Variants in ZNF518A observed in about 807,000 individuals in gnomAD.
ZNF518A encodes zinc finger protein 518A.
In ZNF518A, 47 loss-of-function variants were observed where a neutral mutation model predicts 102.7. The observed-to-expected ratio is 0.46, with a 90% CI of 0.36 to 0.58. ZNF518A has a LOEUF of 0.58. Ranked by LOEUF, ZNF518A falls within the 20% of genes least tolerant of loss-of-function variation. The probability of loss-of-function intolerance (pLI) is 0.00; values close to 1 mark genes in which losing one functional copy is unlikely to be tolerated. For missense variants in ZNF518A, 1,793 were observed against 1,699.8 expected (o/e 1.05, Z -0.96); for synonymous variants, 652 against 594.6 (o/e 1.10, Z -1.40).
chr10:96,164,628 C>T (rs1554889676), downstream of ZNF518A, among the ~76,000 whole-genome samples: 2 of 152,124 alleles, frequency 1.3e-5, no homozygotes, highest in African/African-American at 4.8e-5. Flanking sequence ...AACAAAGCTT[C>T]TGTTAATGCC....
rs1326350728 is a variant in ZNF518A at position 96,162,813 on chromosome 10, T to G, written c.*2039T>G. On this transcript the variant is annotated 3_prime_UTR_variant, in exon 6 of 6. Coordinates refer to ENST00000316045, the MANE Select transcript of ZNF518A (RefSeq NM_001330736.2). The stretch of plus-strand genomic sequence containing the variant: ...AATACAGATTTTAAAGTGTATGTGT[T>G]TTTTCAATGCTAGTTAACTCTACAA... 1.2e-5 allele frequency: 2 copies of G among 166,862 alleles called. No homozygotes were observed. The highest frequency in any genetic ancestry group is 2.9e-5 in the Non-Finnish European group (2 of 68,036). The allele number at this position is 166,862 out of a possible 1,614,324, so 10.3% of individuals were successfully genotyped here. A position where few individuals can be genotyped will look rare whatever the true frequency, so the allele number is the denominator to read the frequency against.
chr10:96,194,856 C>T (rs948698222), intron 1 of ZNF518A, among the ~76,000 whole-genome samples: 6 of 143,178 alleles, frequency 4.2e-5, no homozygotes, highest in African/African-American at 1.5e-4. Flanking sequence ...CTGCAAGCTC[C>T]GCCTCCCGGG....
chr10:96,140,959 G>C (rs2081894326), intron 3 of ZNF518A, among the ~76,000 whole-genome samples: 1 of 151,884 alleles, frequency 6.6e-6, no homozygotes. Flanking sequence ...AAAAGATGGG[G>C]GGTTGTGGGA....
intron 3 of ZNF518A, among the ~76,000 whole-genome samples, chr10:96,153,990 T>C (rs2082574836): frequency 6.6e-6 from 1 of 152,228 alleles, no homozygotes; most frequent in South Asian, 2.1e-4. Flanking sequence ...TATTAGAGTA[T>C]CTTACGAGAT....
chr10:96,174,657 G>C (rs2083192712), intron 1 of ZNF518A, among the ~76,000 whole-genome samples: 1 of 152,072 alleles, frequency 6.6e-6, no homozygotes, highest in African/African-American at 2.4e-5. Flanking sequence ...GTAAGGTATT[G>C]AAATGATACC....
At chr10:96,202,863 G>A (rs782395828) in intron 1 of ZNF518A, among the ~76,000 whole-genome samples, 3 of 152,100 alleles carry the variant, frequency 2.0e-5, no homozygotes, top group Non-Finnish European at 4.4e-5. Flanking sequence ...CGTGCATCTC[G>A]TCCTTTCACC....
chr10:96,196,178 C>T (rs2083460257), intron 1 of ZNF518A, among the ~76,000 whole-genome samples: 1 of 152,202 alleles, frequency 6.6e-6, no homozygotes, highest in Admixed American at 6.5e-5. Flanking sequence ...GATTGTTCTT[C>T]CCATTTTTCT....
intron 3 of ZNF518A, among the ~76,000 whole-genome samples, chr10:96,150,148 C>T (rs1564758805): frequency 1.3e-5 from 2 of 148,484 alleles, no homozygotes; most frequent in African/African-American, 2.4e-5. Flanking sequence ...CACAGTGAAA[C>T]CCCGTCTCTA....
At position 96,156,418 on chromosome 10, in the gene ZNF518A, A is replaced by G; in HGVS notation, c.96A>G (p.Ala32=). The part of the protein sequence containing the change: ...DVKNEIVDRS[A]PKPKISGSIH... ...AAAATGAGATAGTTGATAGGTCGGCACCTAAACCAAAAATTTCAGGAAGTA... is the reference window on the plus strand; with the variant it reads ...AAAATGAGATAGTTGATAGGTCGGCGCCTAAACCAAAAATTTCAGGAAGTA... The change falls in exon 6 of 6, where the codon GCA becomes GCG. Residue 32 remains alanine (A), a synonymous_variant. Transcript: ENST00000316045. The G allele has an allele frequency of 1.2e-6, 2 of 1,612,760 alleles. No individual in the cohort carries two copies. Among genetic ancestry groups the G allele is most frequent in the Non-Finnish European group, 1.7e-6 (2 of 1,179,508 alleles).
chr10:96,191,805 A>G (rs2083334113), intron 1 of ZNF518A: 3 of 847,154 alleles, frequency 3.5e-6, no homozygotes, highest in East Asian at 2.6e-5. Flanking sequence ...ACAAGTCCAC[A>G]TGAGCTTCTT....
chr10:96,147,170 A>T (rs868970917), intron 3 of ZNF518A, among the ~76,000 whole-genome samples: 1 of 152,206 alleles, frequency 6.6e-6, no homozygotes. Context: ...GAACATCATG[A>T]GTTTATGTCA....
chr10:96,162,231 GT>G lies in ZNF518A; in HGVS notation c.*1460del, dbSNP rs2083028460. 1 of 166,742 alleles carries G rather than the reference GT, an allele frequency of 6.0e-6. No individual in the cohort carries two copies. Among genetic ancestry groups the G allele is most frequent in the Non-Finnish European group, 1.5e-5 (1 of 68,006 alleles). The allele number at this position is 166,742 out of a possible 1,614,324, so 10.3% of individuals were successfully genotyped here. A position where few individuals can be genotyped will look rare whatever the true frequency, so the allele number is the denominator to read the frequency against. ...TTTGGCATAAGTTTATTTTCTTTCA[GT>G]TTAGTTCAGTGCATGCACTAATAAA... is the stretch of plus-strand genomic sequence containing the variant. On this transcript the variant is annotated 3_prime_UTR_variant, in exon 6 of 6. Coordinates refer to ENST00000316045, the MANE Select transcript of ZNF518A (RefSeq NM_001330736.2).
At chr10:96,181,617 G>C (rs2083240733) in intron 1 of ZNF518A, among the ~76,000 whole-genome samples, 1 of 152,090 alleles carries the variant, frequency 6.6e-6, no homozygotes, top group Non-Finnish European at 1.5e-5. Context: ...CCCATTTCTT[G>C]TTTTTGTCAG....
At chr10:96,138,141 T>G (rs1344991211) in intron 3 of ZNF518A, among the ~76,000 whole-genome samples, 1 of 152,214 alleles carries the variant, frequency 6.6e-6, no homozygotes, top group African/African-American at 2.4e-5. Flanking sequence ...CTTGGATAAT[T>G]GTACTGTGTA....
At chr10:96,168,656 A>G (rs1021889160), downstream of ZNF518A, among the ~76,000 whole-genome samples, 1 of 152,094 alleles carries the variant, frequency 6.6e-6, no homozygotes, top group Non-Finnish European at 1.5e-5. Flanking sequence ...TTAATTTTCC[A>G]TTCAACACTT....
downstream of ZNF518A, chr10:96,204,506 T>G: frequency 6.2e-7 from 1 of 1,609,516 alleles, no homozygotes; most frequent in Non-Finnish European, 8.5e-7. Flanking sequence ...AAGAGGAAAC[T>G]GATCTTTAAA....
chr10:96,144,352 G>A (rs150740517), intron 3 of ZNF518A, among the ~76,000 whole-genome samples: 42 of 152,080 alleles, frequency 2.8e-4, no homozygotes, highest in Middle Eastern at 3.4e-3. Flanking sequence ...AGTCAATTCA[G>A]TACACATACT....
chr10:96,196,961 A>G (rs1554894831), intron 1 of ZNF518A: 1 of 1,613,656 alleles, frequency 6.2e-7, no homozygotes, highest in East Asian at 2.2e-5. Flanking sequence ...GCTTCAATAA[A>G]TCGCACAGGA....
intron 1 of ZNF518A, chr10:96,189,532 G>C (rs1317377098): frequency 3.0e-6 from 2 of 656,102 alleles, no homozygotes; most frequent in South Asian, 1.4e-5. Context: ...GGCCCTTTTG[G>C]TGTTTTACGA....
Sources: allele counts gnomAD v4.1 joint callset (sites outside exome capture counted in the v4.1 genomes callset), GRCh38; gene constraint gnomAD v4.1.1; transcripts MANE v1.5; gene names NCBI Gene and HGNC (gene_info 2026-07-23, HGNC 2026-07-21).